The following FRRS1 variants were observed in gnomAD, a reference collection of about 807,000 sequenced individuals.
The protein encoded by FRRS1 is ferric chelate reductase 1, also known as ferric reductase 1.
FRRS1 carries 51 observed loss-of-function variants against 70.7 expected under a neutral mutation model. That is an observed-to-expected ratio of 0.72 (90% CI 0.58 to 0.91). FRRS1 has a LOEUF of 0.91. Ranked by LOEUF, FRRS1 falls within the 40% of genes least tolerant of loss-of-function variation. The pLI, the probability that FRRS1 is intolerant of heterozygous loss-of-function variation, is 0.00. For synonymous variants in FRRS1, 225 were observed against 238.7 expected, an observed-to-expected ratio of 0.94 and a Z score of 0.53; for missense variants, 672 against 726.0, an observed-to-expected ratio of 0.93 and a Z score of 0.86.
rs543453777 is a variant in FRRS1, at chr1:99,741,006, A to G, written c.429-66T>C. Reference sequence around the variant, plus strand: ...CCTGTCACAATCAGATCAAAACGTTAAAGGAAAAAAAAAAGAAAGACTAAA... The same window carrying G: ...CCTGTCACAATCAGATCAAAACGTTGAAGGAAAAAAAAAAGAAAGACTAAA... On this transcript the variant is annotated intron_variant, in intron 5 of 16. Transcript: ENST00000646001. 1.0e-3 allele frequency: 1,410 copies of G among 1,384,726 alleles called. 7 individuals are homozygous for G. The Middle Eastern group carries it at 0.02, about 19-fold the overall frequency. 85.8% of individuals were successfully genotyped at this position (1,384,726 alleles called of 1,614,324 possible).
Position 99,706,345 on chromosome 1 carries a change from G to A in FRRS1, c.*2683C>T, listed in dbSNP as rs1270232912. Among the ~76,000 whole-genome samples the A allele has an allele frequency of 2.6e-5, 4 of 151,270 alleles. No individual in the cohort carries two copies. Among genetic ancestry groups the A allele is most frequent in the South Asian group, 2.1e-4 (1 of 4,778 alleles). ...GATCACTAAAGCCCAAGAGGTCAAG[G>A]CTGCAGTGGGCTAAGATCGCACCAC... On this transcript the variant is annotated 3_prime_UTR_variant, in exon 17 of 17. Transcript: ENST00000646001.
intron 8 of FRRS1, 103 bp downstream of exon 8, chr1:99,729,547 C>A: frequency 1.4e-6 from 1 of 697,170 alleles, no homozygotes; most frequent in Non-Finnish European, 2.6e-6. Flanking sequence ...CTAGGTGGAA[C>A]TGTGGGGGTT....
intron 7 of FRRS1, among the ~76,000 whole-genome samples, chr1:99,732,317 A>G (rs970690944): frequency 1.3e-5 from 2 of 152,172 alleles, no homozygotes; most frequent in Non-Finnish European, 2.9e-5. Flanking sequence ...CTCTCTCCCC[A>G]GTTTGCCCCT....
chr1:99,745,997 A>G (rs923814386), intron 4 of FRRS1, among the ~76,000 whole-genome samples: 2 of 104,826 alleles, frequency 1.9e-5, no homozygotes, highest in Non-Finnish European at 3.3e-5. Flanking sequence ...CCTCCCCAGA[A>G]GCTGAGCAGA....
rs781732457 is a variant in FRRS1 at position 99,755,408 on chromosome 1, G to A, written c.-105-6407C>T. ...TGACACTGCACTCCAGCCTGGGGTC[G>A]GAGGGGGAGAGAGAGAAAGGGAGGG... On this transcript the variant is annotated intron_variant, in intron 1 of 16. Coordinates refer to ENST00000646001, the MANE Select transcript of FRRS1 (RefSeq NM_001361041.2). 5.3e-5 allele frequency among the ~76,000 whole-genome samples: 8 copies of A among 152,036 alleles called. No individual in the cohort carries two copies. The East Asian group carries it at 9.7e-4, about 18-fold the overall frequency.
chr1:99,720,334 T>G (rs1408079809), intron 9 of FRRS1, among the ~76,000 whole-genome samples: 1 of 152,190 alleles, frequency 6.6e-6, no homozygotes, highest in Non-Finnish European at 1.5e-5. Flanking sequence ...CAAAGATATA[T>G]GTACAGGAAT....
At chr1:99,766,220 G>C (rs1657345334) in intron 1 of FRRS1, among the ~76,000 whole-genome samples, 1 of 151,724 alleles carries the variant, frequency 6.6e-6, no homozygotes, top group Non-Finnish European at 1.5e-5. Context: ...AAGTGACCCT[G>C]ATATAGGTAA....
At chr1:99,750,353 C>A (rs1656509904) in intron 1 of FRRS1, among the ~76,000 whole-genome samples, 1 of 152,158 alleles carries the variant, frequency 6.6e-6, no homozygotes, top group South Asian at 2.1e-4. Flanking sequence ...GAACAAATTA[C>A]AAGGCATACT....
Position 99,719,601 on chromosome 1 carries a change from T to C in FRRS1, c.1053A>G (p.Lys351=), listed in dbSNP as rs775738312. 6.2e-6 allele frequency: 10 copies of C among 1,611,896 alleles called. No individual in the cohort carries two copies. Among genetic ancestry groups the C allele is most frequent in the Non-Finnish European group, 7.6e-6 (9 of 1,178,236 alleles). ...HSQQPLITYE[K]YDVTDSPKNI... The stretch of plus-strand genomic sequence containing the variant: ...TCTTTGGAGAGTCTGTCACATCATA[T>C]TTTTCATAGGTAATCAAAGGTTGCT... The change falls in exon 10 of 17, where the codon AAA becomes AAG. Residue 351 remains lysine, a synonymous_variant. Transcript: ENST00000646001.
intron 1 of FRRS1, among the ~76,000 whole-genome samples, chr1:99,752,193 G>T (rs140868019): frequency 2.2e-4 from 34 of 152,230 alleles, no homozygotes; most frequent in African/African-American, 7.9e-4. Context: ...ATGTTCACTG[G>T]AGTAACCATT....
chr1:99,716,648 A>G (rs1654547055), intron 11 of FRRS1, among the ~76,000 whole-genome samples: 1 of 152,234 alleles, frequency 6.6e-6, no homozygotes, highest in Non-Finnish European at 1.5e-5. Flanking sequence ...TATGAATATT[A>G]AATGTCAAGG....
At position 99,764,397 on chromosome 1, in the gene FRRS1, G is replaced by A. The variant is rs75440834; in HGVS notation, c.-106+2210C>T. On this transcript the variant is annotated intron_variant, in intron 1 of 16. Transcript: ENST00000646001. ...CTTTATAATGTGCATTTTTTTTAAA[G>A]CATGTAGTGTTTTATAATTTCAAAA... Among the ~76,000 whole-genome samples the A allele has an allele frequency of 7.4e-3, 1,121 of 152,172 alleles. 19 individuals are homozygous for A. The highest frequency in any genetic ancestry group is 0.026 in the African/African-American group (1,064 of 41,512).
chr1:99,712,055 T>C, intron 14 of FRRS1, 50 bp downstream of exon 14: 2 of 1,255,174 alleles, frequency 1.6e-6, no homozygotes, highest in Non-Finnish European at 2.3e-6. Flanking sequence ...CAACTTGTAA[T>C]ATAAGCAGCT....
In FRRS1 at chr1:99,742,274, C is replaced by T. The variant is rs773212707; in HGVS notation, c.334-1G>A. Reference sequence around the variant, plus strand: ...CACTTCTGTGACTCACTGCTGATCCCTGAAATAAAAGGGAAAAGAGCTACC... The same window carrying T: ...CACTTCTGTGACTCACTGCTGATCCTTGAAATAAAAGGGAAAAGAGCTACC... On this transcript the variant is annotated splice_acceptor_variant, in intron 4 of 16. Transcript: ENST00000646001. LOFTEE classifies it high-confidence loss of function. The T allele has an allele frequency of 4.9e-5, 78 of 1,589,598 alleles. No homozygotes were observed. The highest frequency in any genetic ancestry group is 6.6e-5 in the Non-Finnish European group (77 of 1,158,110).
Position 99,741,771 on chromosome 1 carries a change from C to T in FRRS1, c.428+408G>A, listed in dbSNP as rs116681419. Among the ~76,000 whole-genome samples the T allele has an allele frequency of 5.2e-3, 788 of 152,292 alleles. 11 individuals are homozygous for T. Among genetic ancestry groups the T allele is most frequent in the African/African-American group, 0.018 (754 of 41,580 alleles). ...TAAAGACTCAAGTATTAATTGATAG[C>T]TCTTATTAGGATTAAGGCAGTACAA... On this transcript the variant is annotated intron_variant, in intron 5 of 16. Transcript: ENST00000646001.
chr1:99,728,609 G>GCCAACCT lies in FRRS1; in HGVS notation c.883_889dup (p.Ala297GlufsTer21), dbSNP rs1655186044. ...GAAAGAACACTGCATAACACCGTCC[G>GCCAACCT]CCAACCTCCAAGCCATATCCTCAAG... On this transcript the variant is annotated frameshift_variant, in exon 9 of 17. Coordinates refer to ENST00000646001, the MANE Select transcript of FRRS1 (RefSeq NM_001361041.2). LOFTEE classifies it high-confidence loss of function. 4.3e-6 allele frequency: 7 copies of GCCAACCT among 1,613,672 alleles called. No homozygotes were observed. The highest frequency in any genetic ancestry group is 5.9e-6 in the Non-Finnish European group (7 of 1,179,736).
intron 6 of FRRS1, 112 bp from the exon 7 acceptor site, chr1:99,738,380 T>A: frequency 1.6e-6 from 1 of 631,326 alleles, no homozygotes; most frequent in Non-Finnish European, 2.7e-6. Flanking sequence ...TTAATGAGAA[T>A]ACCTTTCCAT....
chr1:99,727,755 G>C (rs1655139821), intron 9 of FRRS1, among the ~76,000 whole-genome samples: 1 of 152,216 alleles, frequency 6.6e-6, no homozygotes, highest in Non-Finnish European at 1.5e-5. Context: ...GTCATTAAAT[G>C]CTACATTGAC....
At position 99,737,899 on chromosome 1, in the gene FRRS1, C is replaced by T. The variant is rs115014453; in HGVS notation, c.759+187G>A. On this transcript the variant is annotated intron_variant, in intron 7 of 16. Coordinates refer to ENST00000646001, the MANE Select transcript of FRRS1 (RefSeq NM_001361041.2). ...CCGGGATTACAAGCGCCCGCCACGACGCTAGGCTAATTTTTGTATTTTTAG... is the reference window on the plus strand; with the variant it reads ...CCGGGATTACAAGCGCCCGCCACGATGCTAGGCTAATTTTTGTATTTTTAG... Among the ~76,000 whole-genome samples, 935 of 152,268 alleles carry T rather than the reference C, an allele frequency of 6.1e-3. 8 individuals are homozygous for T. The highest frequency in any genetic ancestry group is 0.022 in the African/African-American group (898 of 41,540).
Sources: gnomAD v4.1 joint callset for allele counts (sites outside exome capture counted in the v4.1 genomes callset) on GRCh38, gnomAD v4.1.1 for gene constraint, MANE v1.5 for transcripts, NCBI Gene and HGNC (gene_info 2026-07-23, HGNC 2026-07-21) for gene names.